The following ARHGEF12 variants were observed in gnomAD, a reference collection of about 807,000 sequenced individuals.
ARHGEF12 encodes Rho guanine nucleotide exchange factor 12.
Under a neutral mutation model 211.2 loss-of-function variants are expected in ARHGEF12, and 66 were observed. The observed-to-expected ratio is 0.31, with a 90% CI of 0.26 to 0.38. The LOEUF (loss-of-function observed/expected upper bound fraction) is 0.38. ARHGEF12 is among the 10% of genes least tolerant of loss of function. The pLI, the probability that ARHGEF12 is intolerant of heterozygous loss-of-function variation, is 1.00. For missense variants in ARHGEF12, 1,429 were observed against 1,869.5 expected (o/e 0.76, Z 4.34); for synonymous variants, 592 against 638.4 (o/e 0.93, Z 1.09).
chr11:120,407,533 A>G (rs1944745134), intron 2 of ARHGEF12, among the ~76,000 whole-genome samples: 1 of 152,218 alleles, frequency 6.6e-6, no homozygotes, highest in Admixed American at 6.5e-5. Flanking sequence ...ACTATTTTTA[A>G]TTATTTTAAG....
intron 1 of ARHGEF12, among the ~76,000 whole-genome samples, chr11:120,393,181 C>T: frequency 6.6e-6 from 1 of 151,986 alleles, no homozygotes; most frequent in East Asian, 1.9e-4. Context: ...TGGTCCTTGC[C>T]TTCAAATAAT....
At chr11:120,421,982 A>G (rs1463741212) in intron 6 of ARHGEF12, 130 bp downstream of exon 6, 2 of 631,626 alleles carry the variant, frequency 3.2e-6, no homozygotes, top group African/African-American at 1.9e-5. Context: ...TCTGTTGACT[A>G]TACAAACTTA....
intron 27 of ARHGEF12, among the ~76,000 whole-genome samples, 190 bp downstream of exon 27, chr11:120,460,947 CT>C (rs1241560432): frequency 2.0e-5 from 3 of 152,192 alleles, no homozygotes; most frequent in Non-Finnish European, 2.9e-5. Context: ...GAAGCAGACC[CT>C]TATCCATTAA....
At position 120,394,313 on chromosome 11, in the gene ARHGEF12, G is replaced by A. The variant is rs1944309375; in HGVS notation, c.33-11805G>A. 2.0e-5 allele frequency among the ~76,000 whole-genome samples: 3 copies of A among 151,594 alleles called. No homozygotes were observed. The South Asian group carries it at 6.3e-4, about 32-fold the overall frequency. On this transcript the variant is annotated intron_variant, in intron 1 of 40. Coordinates refer to ENST00000397843, the MANE Select transcript of ARHGEF12 (RefSeq NM_015313.3). Reference sequence around the variant, plus strand: ...CTACAGCCTCAACCTCCTGGGCTCAGGCTGTCCCCACCTTATCCTCCCAAG... The same window carrying A: ...CTACAGCCTCAACCTCCTGGGCTCAAGCTGTCCCCACCTTATCCTCCCAAG...
chr11:120,399,674 T>G (rs1444812457), intron 1 of ARHGEF12, among the ~76,000 whole-genome samples: 2 of 152,162 alleles, frequency 1.3e-5, no homozygotes, highest in African/African-American at 4.8e-5. Context: ...CCTGTGATTT[T>G]TTTGGCACAC....
At chr11:120,469,202 TTGAAA>T (rs1946798469) in intron 29 of ARHGEF12, 81 bp from the exon 30 acceptor site, 2 of 1,046,992 alleles carry the variant, frequency 1.9e-6, no homozygotes, top group African/African-American at 1.6e-5. Context: ...CTTAAAAGTA[TTGAAA>T]TGAAATGAAA....
At chr11:120,351,316 T>C (rs1426449973) in intron 1 of ARHGEF12, among the ~76,000 whole-genome samples, 1 of 93,638 alleles carries the variant, frequency 1.1e-5, no homozygotes, top group East Asian at 3.7e-4. Context: ...TACTGCAGCC[T>C]GGGCAACAGA....
At chr11:120,445,125 G>A (rs1946004754) in intron 15 of ARHGEF12, among the ~76,000 whole-genome samples, 1 of 152,122 alleles carries the variant, frequency 6.6e-6, no homozygotes, top group African/African-American at 2.4e-5. Context: ...AATGATTCTA[G>A]GAAGCCAAAG....
At chr11:120,362,130 A>G (rs1393072826) in intron 1 of ARHGEF12, among the ~76,000 whole-genome samples, 1 of 152,246 alleles carries the variant, frequency 6.6e-6, no homozygotes, top group Non-Finnish European at 1.5e-5. Context: ...GAGTGTCTCA[A>G]ATTGGCTGAA....
chr11:120,345,689 G>A (rs902903785), intron 1 of ARHGEF12, among the ~76,000 whole-genome samples: 7 of 112,102 alleles, frequency 6.2e-5, no homozygotes, highest in Non-Finnish European at 1.0e-4. Context: ...GGCACAGAGC[G>A]AGACTCCGTC....
In ARHGEF12 at chr11:120,427,599, GA is replaced by G. The variant is rs550979733; in HGVS notation, c.407-468del. ...AGGAGGGAGGATTGCTTGAACCCAG[GA>G]AGTCGAGGCTGCAGTGAGCTGAGAT... On this transcript the variant is annotated intron_variant, in intron 7 of 40. Transcript: ENST00000397843. Among the ~76,000 whole-genome samples, 188 of 151,234 alleles carry G rather than the reference GA, an allele frequency of 1.2e-3. 1 individual carries two copies. The highest frequency in any genetic ancestry group is 2.0e-3 in the Non-Finnish European group (139 of 67,834).
chr11:120,381,337 T>TC (rs528484673), intron 1 of ARHGEF12, among the ~76,000 whole-genome samples: 30 of 152,318 alleles, frequency 2.0e-4, no homozygotes, highest in Middle Eastern at 3.4e-3. Flanking sequence ...ATCTGTGACT[T>TC]CCTTGTCTGA....
chr11:120,374,515 AT>A (rs1303522454), intron 1 of ARHGEF12, among the ~76,000 whole-genome samples: 1 of 152,128 alleles, frequency 6.6e-6, no homozygotes, highest in Non-Finnish European at 1.5e-5. Context: ...TCTCCAGCTG[AT>A]TTTTCTTCTT....
At chr11:120,447,947 AAAG>A (rs1946093136) in intron 19 of ARHGEF12, 41 bp downstream of exon 19, 1 of 1,448,974 alleles carries the variant, frequency 6.9e-7, no homozygotes, top group African/African-American at 1.4e-5. Flanking sequence ...TTTAAGAAAA[AAAG>A]AACTATGTTT....
chr11:120,388,819 A>G (rs1433476261), intron 1 of ARHGEF12, among the ~76,000 whole-genome samples: 1 of 151,884 alleles, frequency 6.6e-6, no homozygotes, highest in Admixed American at 6.6e-5. Context: ...TTGGGTTGTA[A>G]GAGTTCCTTA....
chr11:120,435,966 C>T (rs1246730130), intron 11 of ARHGEF12, among the ~76,000 whole-genome samples: 1 of 152,142 alleles, frequency 6.6e-6, no homozygotes, highest in African/African-American at 2.4e-5. Context: ...AATGATTTCC[C>T]TTACTAGCTA....
At chr11:120,343,061 ATT>A (rs35952422) in intron 1 of ARHGEF12, among the ~76,000 whole-genome samples, 1 of 150,328 alleles carries the variant, frequency 6.7e-6, no homozygotes, top group African/African-American at 2.4e-5. Context: ...GCTTAGCAGT[ATT>A]TTTTTTTTCA....
At chr11:120,370,857 C>T (rs1442239557) in intron 1 of ARHGEF12, among the ~76,000 whole-genome samples, 1 of 151,900 alleles carries the variant, frequency 6.6e-6, no homozygotes, top group Non-Finnish European at 1.5e-5. Context: ...TCCTTCCCTC[C>T]CTTATCACCT....
At chr11:120,389,517 G>A (rs190344490) in intron 1 of ARHGEF12, among the ~76,000 whole-genome samples, 9 of 152,250 alleles carry the variant, frequency 5.9e-5, no homozygotes, top group Admixed American at 5.9e-4. Flanking sequence ...GATTACATCA[G>A]ATATTTTGAT....
Sources: allele counts gnomAD v4.1 joint callset (sites outside exome capture counted in the v4.1 genomes callset), GRCh38; gene constraint gnomAD v4.1.1; transcripts MANE v1.5; gene names NCBI Gene and HGNC (gene_info 2026-07-23, HGNC 2026-07-21).